UBALD1: variants seen among roughly 807,000 people sequenced by gnomAD.
UBALD1 encodes UBA like domain containing 1, also known as UBA-like domain-containing protein 1.
UBALD1 carries 5 observed loss-of-function variants against 16.1 expected under a neutral mutation model. The observed-to-expected ratio is 0.31, with a 90% confidence interval of 0.16 to 0.66. UBALD1 has a LOEUF of 0.66. Among genes scored for constraint, UBALD1 ranks in the 30% least tolerant of loss-of-function variants. The pLI is 0.77. For synonymous variants in UBALD1, 146 were observed against 105.3 expected (o/e 1.39, Z -2.37); for missense variants, 220 against 252.8 (o/e 0.87, Z 0.88).
At chr16:4,613,675 T>C (rs1897385347) in intron 1 of UBALD1, among the ~76,000 whole-genome samples, 3 of 152,200 alleles carry the variant, frequency 2.0e-5, no homozygotes, top group African/African-American at 7.2e-5. Flanking sequence ...CAAAGGGCTC[T>C]GGCCTCATCC....
chr16:4,609,902 C>T lies in UBALD1; in HGVS notation c.265G>A (p.Glu89Lys). 6.3e-7 allele frequency: 1 copy of T among 1,579,260 alleles called. No individual in the cohort carries two copies. Among genetic ancestry groups the T allele is most frequent in the Non-Finnish European group, 8.6e-7 (1 of 1,164,000 alleles). ...LTMFSRLKAS[E>K]SFHSGGSGSP... ...CCGCTGCCACCGCTGTGGAAGCTCT[C>T]GGAGGCCTTGAGACGGGAGAACATG... The change falls in exon 3 of 3, where the codon GAG becomes AAG. Residue 89 changes from glutamate (E) to lysine (K), a missense_variant. Around this residue, in one of 2 missense-constraint regions of UBALD1, gnomAD observed 151 missense variants for 132.6 expected, o/e 1.14. Coordinates refer to ENST00000283474, the MANE Select transcript of UBALD1 (RefSeq NM_145253.3).
Position 4,609,490 on chromosome 16 carries a change from T to G in UBALD1, c.*143A>C. 1 of 422,692 alleles carries G rather than the reference T, an allele frequency of 2.4e-6. No individual in the cohort carries two copies. The highest frequency in any genetic ancestry group is 3.5e-5 in the East Asian group (1 of 28,376). The allele number at this position is 422,692 out of a possible 1,614,324, so 26.2% of individuals were successfully genotyped here. ...CGTGTTCTGGCACCAGACGTGTCCC[T>G]GCCTGGCTAGAGTCCGCGCTCTCCC... On this transcript the variant is annotated 3_prime_UTR_variant, in exon 3 of 3. Coordinates refer to ENST00000283474, the MANE Select transcript of UBALD1 (RefSeq NM_145253.3).
rs1294503600 is a variant in UBALD1 at position 4,609,621 on chromosome 16, G to A, written c.*12C>T. 4 of 1,253,708 alleles carry A rather than the reference G, an allele frequency of 3.2e-6. No individual in the cohort carries two copies. The highest frequency in any genetic ancestry group is 4.2e-6 in the Non-Finnish European group (4 of 954,472). 77.7% of individuals were successfully genotyped at this position (1,253,708 alleles called of 1,614,324 possible). ...CGGGGTCCTGGCCTCCGGGAGGGGG[G>A]AGGGGCCTCCCTTATCTCTCTGCCT... On this transcript the variant is annotated 3_prime_UTR_variant, in exon 3 of 3. Transcript: ENST00000283474.
At position 4,614,792 on chromosome 16, in the gene UBALD1, G is replaced by A. The variant is rs147492219; in HGVS notation, c.6C>T (p.Ser2=). Residue 2 remains serine, a synonymous_variant, in exon 1 of 3, where the codon TCC becomes TCT. Transcript: ENST00000283474. ...GGTGCTTGAGCTCGTCCATGTTCACGGACATGGCGCCGCCGCGCTGCCCGC... is the reference window on the plus strand; with the variant it reads ...GGTGCTTGAGCTCGTCCATGTTCACAGACATGGCGCCGCCGCGCTGCCCGC... M[S]VNMDELKHQV... is the part of the protein sequence containing the mutation. 1 of 1,509,140 alleles carries A rather than the reference G, an allele frequency of 6.6e-7. No individual in the cohort carries two copies. The highest frequency in any genetic ancestry group is 8.9e-7 in the Non-Finnish European group (1 of 1,129,468). 93.5% of individuals were successfully genotyped at this position (1,509,140 alleles called of 1,614,324 possible).
rs372905090 is a variant in UBALD1, at chr16:4,609,617, G to C, written c.*16C>G. 3.2e-5 allele frequency: 39 copies of C among 1,207,840 alleles called. No individual in the cohort carries two copies. Among genetic ancestry groups the C allele is most frequent in the East Asian group, 1.1e-4 (4 of 36,570 alleles). The allele number at this position is 1,207,840 out of a possible 1,614,324, so 74.8% of individuals were successfully genotyped here. On this transcript the variant is annotated 3_prime_UTR_variant, in exon 3 of 3. Transcript: ENST00000283474. ...CCCACGGGGTCCTGGCCTCCGGGAG[G>C]GGGGAGGGGCCTCCCTTATCTCTCT... is the stretch of plus-strand genomic sequence containing the variant.
rs569011345 is a variant in UBALD1, at chr16:4,609,520, A to G, written c.*113T>C. On this transcript the variant is annotated 3_prime_UTR_variant, in exon 3 of 3. Transcript: ENST00000283474. ...GGCTAGAGTCCGCGCTCTCCCCTCC[A>G]GGGCTCCGGGGAACAAGGGGTGCAG... 2 of 477,370 alleles carry G rather than the reference A, an allele frequency of 4.2e-6. No homozygotes were observed. Among genetic ancestry groups the G allele is most frequent in the East Asian group, 6.9e-5 (2 of 28,990 alleles). The allele number at this position is 477,370 out of a possible 1,614,324, so 29.6% of individuals were successfully genotyped here. A position where few individuals can be genotyped will look rare whatever the true frequency, so the allele number is the denominator to read the frequency against.
In UBALD1 at chr16:4,609,409, T is replaced by C. The variant is rs1897328342; in HGVS notation, c.*224A>G. On this transcript the variant is annotated 3_prime_UTR_variant, in exon 3 of 3. Coordinates refer to ENST00000283474, the MANE Select transcript of UBALD1 (RefSeq NM_145253.3). ...TGTCCGCCAGGCACCCAGGCCGCGC[T>C]GAACCACTCCATGTGCCGGGGCCGC... 2 of 393,980 alleles carry C rather than the reference T, an allele frequency of 5.1e-6. No homozygotes were observed. The highest frequency in any genetic ancestry group is 4.4e-5 in the Admixed American group (1 of 22,754). 24.4% of individuals were successfully genotyped at this position (393,980 alleles called of 1,614,324 possible).
intron 2 of UBALD1, 156 bp downstream of exon 2, chr16:4,610,337 C>G: frequency 3.9e-6 from 3 of 776,316 alleles, no homozygotes; most frequent in Middle Eastern, 2.3e-4. Flanking sequence ...AAGTGCAGGA[C>G]CCACGGAGCC....
intron 1 of UBALD1, 122 bp from the exon 2 acceptor site, chr16:4,610,677 G>GCCTCAGCACCGCGAC: frequency 1.8e-6 from 2 of 1,119,608 alleles, no homozygotes; most frequent in Non-Finnish European, 2.5e-6. Context: ...GGAGGGGTGA[G>GCCTCAGCACCGCGAC]TCGCGGTGCT....
Position 4,609,792 on chromosome 16 carries a change from G to A in UBALD1, c.375C>T (p.Pro125=). ...GGCCCCCCGGGGGCGAGGCCGCCGT[G>A]GGCCAGCTGGAGGCCGCAGAGCTGC... ...ATSSSAASSW[P]TAASPPGGPQ... Residue 125 remains proline, a synonymous_variant, in exon 3 of 3, where the codon CCC becomes CCT. Transcript: ENST00000283474. The A allele has an allele frequency of 6.6e-7, 1 of 1,509,950 alleles. No homozygotes were observed. The highest frequency in any genetic ancestry group is 8.8e-7 in the Non-Finnish European group (1 of 1,131,938). The allele number at this position is 1,509,950 out of a possible 1,614,324, so 93.5% of individuals were successfully genotyped here.
At chr16:4,610,449 C>A (rs370766573) in intron 2 of UBALD1, 44 bp downstream of exon 2, 27 of 1,563,038 alleles carry the variant, frequency 1.7e-5, no homozygotes, top group Non-Finnish European at 2.3e-5. Flanking sequence ...CTAGCTCGGC[C>A]TCCTTCCGCC....
At position 4,610,408 on chromosome 16, in the gene UBALD1, C is replaced by T. The variant is rs966249153; in HGVS notation, c.183+85G>A. ...CCCCGCCTGCACCAGCGCCCTCGTA[C>T]ACCGGGGCCAGGGGCTGCTTATACA... On this transcript the variant is annotated intron_variant, in intron 2 of 2. Coordinates refer to ENST00000283474, the MANE Select transcript of UBALD1 (RefSeq NM_145253.3). The T allele has an allele frequency of 1.2e-5, 18 of 1,446,852 alleles. 1 individual carries two copies. The African/African-American group carries it at 2.4e-4, about 19-fold the overall frequency. The allele number at this position is 1,446,852 out of a possible 1,614,324, so 89.6% of individuals were successfully genotyped here.
rs757324349 is a variant in UBALD1 at position 4,610,544 on chromosome 16, G to A, written c.132C>T (p.Ser44=). 6.2e-6 allele frequency: 10 copies of A among 1,612,074 alleles called. No individual in the cohort carries two copies. Among genetic ancestry groups the A allele is most frequent in the South Asian group, 3.3e-5 (3 of 90,596 alleles). ...AAHWQFETAL[S]AFFQETNIPY... ...GGATGTTGGTCTCCTGGAAAAAGGCGCTGAGGGCTGTCTGCAGGAAGAAAG... is the reference window on the plus strand; with the variant it reads ...GGATGTTGGTCTCCTGGAAAAAGGCACTGAGGGCTGTCTGCAGGAAGAAAG... Residue 44 remains serine, a synonymous_variant, in exon 2 of 3, where the codon AGC becomes AGT. Coordinates refer to ENST00000283474, the MANE Select transcript of UBALD1 (RefSeq NM_145253.3).
rs2141783004 is a variant in UBALD1 at position 4,609,988 on chromosome 16, G to A, written c.184-5C>T. Reference sequence around the variant, plus strand: ...GGTATTGGCGGGGGTGCACATCTGTGAGGGGAAGAGAGGAGAGATGGGGTG... The same window carrying A: ...GGTATTGGCGGGGGTGCACATCTGTAAGGGGAAGAGAGGAGAGATGGGGTG... On this transcript the variant is annotated splice_polypyrimidine_tract_variant and splice_region_variant and intron_variant, in intron 2 of 2. Transcript: ENST00000283474. 2 of 1,564,824 alleles carry A rather than the reference G, an allele frequency of 1.3e-6. No homozygotes were observed. The highest frequency in any genetic ancestry group is 8.7e-7 in the Non-Finnish European group (1 of 1,150,450).
chr16:4,609,875 T>C lies in UBALD1; in HGVS notation c.292A>G (p.Ser98Gly). The change falls in exon 3 of 3, where the codon AGC becomes GGC. Residue 98 changes from serine to glycine, a missense_variant. Around this residue, in one of 2 missense-constraint regions of UBALD1, gnomAD observed 151 missense variants for 132.6 expected, o/e 1.14. Coordinates refer to ENST00000283474, the MANE Select transcript of UBALD1 (RefSeq NM_145253.3). The stretch of plus-strand genomic sequence containing the variant: ...GACGTGGCTGTCGCGGCCATCGGGC[T>C]GCCGCTGCCACCGCTGTGGAAGCTC... ...SESFHSGGSG[S>G]PMAATATSPP... is the part of the protein sequence containing the mutation. 1 of 1,536,888 alleles carries C rather than the reference T, an allele frequency of 6.5e-7. No homozygotes were observed. The highest frequency in any genetic ancestry group is 8.8e-7 in the Non-Finnish European group (1 of 1,142,268).
Position 4,609,615 on chromosome 16 carries a change from A to AG in UBALD1, c.*17dup. On this transcript the variant is annotated 3_prime_UTR_variant, in exon 3 of 3. Transcript: ENST00000283474. ...GCCCCACGGGGTCCTGGCCTCCGGG[A>AG]GGGGGGAGGGGCCTCCCTTATCTCT... The AG allele has an allele frequency of 3.5e-6, 4 of 1,158,874 alleles. No homozygotes were observed. Among genetic ancestry groups the AG allele is most frequent in the Non-Finnish European group, 3.4e-6 (3 of 873,348 alleles). The allele number at this position is 1,158,874 out of a possible 1,614,324, so 71.8% of individuals were successfully genotyped here. A position where few individuals can be genotyped will look rare whatever the true frequency, so the allele number is the denominator to read the frequency against.
intron 1 of UBALD1, among the ~76,000 whole-genome samples, chr16:4,612,726 G>A (rs1043650660): frequency 6.6e-6 from 1 of 152,156 alleles, no homozygotes; most frequent in African/African-American, 2.4e-5. Flanking sequence ...GCAGCCAGCG[G>A]GTGGAGCGTG....
intron 2 of UBALD1, 137 bp from the exon 3 acceptor site, chr16:4,610,120 C>A (rs1392395020): frequency 1.3e-6 from 1 of 795,886 alleles, no homozygotes; most frequent in Admixed American, 2.0e-5. Flanking sequence ...AGCCTGTCCG[C>A]CGCCCAGGGG....
chr16:4,613,149 T>C (rs1897378768), intron 1 of UBALD1, among the ~76,000 whole-genome samples: 1 of 152,000 alleles, frequency 6.6e-6, no homozygotes, highest in South Asian at 2.1e-4. Flanking sequence ...GAATGCGGTT[T>C]TGCAAGTTTT....
Sources: gnomAD v4.1 joint callset for allele counts (sites outside exome capture counted in the v4.1 genomes callset) on GRCh38, gnomAD v4.1.1 for gene constraint, gnomAD v4.1.1 regional missense constraint, MANE v1.5 for transcripts, NCBI Gene and HGNC (gene_info 2026-07-23, HGNC 2026-07-21) for gene names.